TTC7A: variants seen among roughly 807,000 people sequenced by gnomAD.
The protein encoded by TTC7A is tetratricopeptide repeat domain 7A.
In TTC7A, 110 loss-of-function variants were observed where a neutral mutation model predicts 103.7. The observed-to-expected ratio is 1.06, with a 90% CI of 0.91 to 1.24. The LOEUF is 1.24. Among genes scored for constraint, TTC7A ranks in the 50% most tolerant of loss-of-function variants. TTC7A has a pLI of 0.00. For missense variants in TTC7A, 1,340 were observed against 1,116.3 expected, an observed-to-expected ratio of 1.20 and a Z score of -2.86; for synonymous variants, 521 against 467.9, an observed-to-expected ratio of 1.11 and a Z score of -1.47.
intron 15 of TTC7A, among the ~76,000 whole-genome samples, chr2:47,037,298 C>G (rs1197447538): frequency 6.6e-6 from 1 of 152,202 alleles, no homozygotes; most frequent in South Asian, 2.1e-4. Flanking sequence ...GTAGGGAAAC[C>G]CCCACTAAGC....
intron 8 of TTC7A, among the ~76,000 whole-genome samples, chr2:47,001,718 G>A (rs1185869748): frequency 1.3e-5 from 2 of 152,190 alleles, no homozygotes; most frequent in East Asian, 1.9e-4. Flanking sequence ...AATTAGCCAG[G>A]CGTGGTGGTG....
At chr2:46,990,337 G>T (rs116127625) in intron 5 of TTC7A, among the ~76,000 whole-genome samples, 3 of 152,322 alleles carry the variant, frequency 2.0e-5, no homozygotes, top group African/African-American at 7.2e-5. Flanking sequence ...AGAGGCCTCA[G>T]TGGAACCGAA....
At chr2:46,938,699 G>A (rs1416026097), upstream of TTC7A, among the ~76,000 whole-genome samples, 1 of 152,164 alleles carries the variant, frequency 6.6e-6, no homozygotes, top group Non-Finnish European at 1.5e-5. Flanking sequence ...CTGTGTGGTG[G>A]GTGGTTCATA....
At chr2:46,915,881 C>A, upstream of TTC7A, 1 of 984,508 alleles carries the variant, frequency 1.0e-6, no homozygotes. Flanking sequence ...CGCCGCCGGG[C>A]CCCTCCCGCT....
chr2:46,974,864 G>A, intron 3 of TTC7A, 109 bp from the exon 4 acceptor site: 1 of 1,469,584 alleles, frequency 6.8e-7, no homozygotes, highest in Non-Finnish European at 9.3e-7. Flanking sequence ...CCTCCTGGCT[G>A]CACCAGAGTG....
At chr2:46,920,714 A>C (rs1000506179) in intron 2 of TTC7A, among the ~76,000 whole-genome samples, 24 of 151,888 alleles carry the variant, frequency 1.6e-4, no homozygotes, top group Middle Eastern at 3.2e-3. Context: ...ATATCTCTTG[A>C]AATTTTTCCT....
intron 15 of TTC7A, among the ~76,000 whole-genome samples, chr2:47,042,165 C>T (rs1681823539): frequency 6.6e-6 from 1 of 152,132 alleles, no homozygotes; most frequent in African/African-American, 2.4e-5. Context: ...GAACAGCCCT[C>T]TTCTTTATAG....
rs183610265 is a variant in TTC7A, at chr2:47,049,922, G to A, written c.1920-27G>A. The A allele has an allele frequency of 1.4e-4, 222 of 1,590,966 alleles. 2 individuals carry two copies. In the East Asian group the frequency reaches 3.3e-3, roughly 24 times the overall value. ...TGTGATGCTAGCCCTCTACCTTACC[G>A]GACCCTGGCCCTCTTTTGCCTTCCA... On this transcript the variant is annotated intron_variant, in intron 16 of 19. Coordinates refer to ENST00000319190, the MANE Select transcript of TTC7A (RefSeq NM_020458.4).
At chr2:46,940,495 A>C (rs977754218), upstream of TTC7A, among the ~76,000 whole-genome samples, 9 of 152,276 alleles carry the variant, frequency 5.9e-5, no homozygotes, top group African/African-American at 1.9e-4. The surrounding 1 kb of genome is among the most constrained non-coding windows in gnomAD (Gnocchi z 4.7). Context: ...TGGGCACCCC[A>C]CAGCCCTGGG....
intron 5 of TTC7A, among the ~76,000 whole-genome samples, chr2:46,981,946 T>G (rs945417608): frequency 1.3e-5 from 2 of 152,206 alleles, no homozygotes; most frequent in African/African-American, 2.4e-5. Flanking sequence ...GACCTGGGCC[T>G]TGGGGAGGCA....
intron 2 of TTC7A, among the ~76,000 whole-genome samples, chr2:46,927,159 G>C (rs1669427923): frequency 6.6e-6 from 1 of 151,822 alleles, no homozygotes; most frequent in African/African-American, 2.4e-5. Flanking sequence ...GAGGAGAGGA[G>C]AGAATGAGCA....
At chr2:46,985,530 C>G (rs1040030877) in intron 5 of TTC7A, among the ~76,000 whole-genome samples, 37 of 152,238 alleles carry the variant, frequency 2.4e-4, no homozygotes, top group African/African-American at 8.7e-4. Flanking sequence ...TACTTAACTT[C>G]ATGCCAGGTA....
At chr2:46,925,520 T>G (rs1429293610) in intron 2 of TTC7A, among the ~76,000 whole-genome samples, 1 of 152,066 alleles carries the variant, frequency 6.6e-6, no homozygotes, top group Non-Finnish European at 1.5e-5. Context: ...ATTACACCAC[T>G]GCACTCCAGC....
At chr2:47,055,116 C>G (rs538311663) in intron 18 of TTC7A, among the ~76,000 whole-genome samples, 4 of 152,140 alleles carry the variant, frequency 2.6e-5, no homozygotes, top group African/African-American at 7.2e-5. Flanking sequence ...GCCTCCCCCA[C>G]CTGACCCAGG....
At chr2:47,035,224 C>T (rs1206437503) in intron 15 of TTC7A, 1 of 152,178 alleles carries the variant, frequency 6.6e-6, no homozygotes, top group African/African-American at 2.4e-5. Flanking sequence ...TGTAGTACAT[C>T]AAAAGGATGC....
At chr2:47,063,743 T>A (rs1683970370) in intron 19 of TTC7A, among the ~76,000 whole-genome samples, 1 of 152,158 alleles carries the variant, frequency 6.6e-6, no homozygotes, top group Non-Finnish European at 1.5e-5. Flanking sequence ...GAGCCTTCCC[T>A]CCCCTGAGGG....
At chr2:46,936,788 A>G (rs1189853674), upstream of TTC7A, among the ~76,000 whole-genome samples, 2 of 152,190 alleles carry the variant, frequency 1.3e-5, no homozygotes, top group East Asian at 3.8e-4. Context: ...AGTGAACACA[A>G]TTCCAAACAT....
At chr2:47,072,676 G>T (rs1026838025) in intron 19 of TTC7A, among the ~76,000 whole-genome samples, 1 of 152,216 alleles carries the variant, frequency 6.6e-6, no homozygotes, top group Non-Finnish European at 1.5e-5. Flanking sequence ...CAGGAAGTCG[G>T]TGGTGGGCTT....
intron 14 of TTC7A, among the ~76,000 whole-genome samples, chr2:47,028,918 C>T (rs190645502): frequency 2.0e-5 from 3 of 152,174 alleles, no homozygotes; most frequent in Non-Finnish European, 2.9e-5. Flanking sequence ...TCCAGGGTGA[C>T]GTTTCCACAC....
Sources: allele counts gnomAD v4.1 joint callset (sites outside exome capture counted in the v4.1 genomes callset), GRCh38; gene constraint gnomAD v4.1.1; non-coding constraint Gnocchi (gnomAD v3.1); transcripts MANE v1.5; gene names NCBI Gene and HGNC (gene_info 2026-07-23, HGNC 2026-07-21).